SLC25A13: variants seen among roughly 807,000 people sequenced by gnomAD.
The protein encoded by SLC25A13 is electrogenic aspartate/glutamate antiporter SLC25A13, mitochondrial.
Under a neutral mutation model 85.5 loss-of-function variants are expected in SLC25A13, and 70 were observed. That is an observed-to-expected ratio of 0.82 (90% CI 0.68 to 1.00). The LOEUF (loss-of-function observed/expected upper bound fraction) is 1.00, where lower values mean the gene tolerates loss of function less well. Among genes scored for constraint, SLC25A13 ranks in the 50% least tolerant of loss-of-function variants. SLC25A13 has a pLI of 0.00. For synonymous variants in SLC25A13, 259 were observed against 288.7 expected, an observed-to-expected ratio of 0.90 and a Z score of 1.04; for missense variants, 765 against 819.8, an observed-to-expected ratio of 0.93 and a Z score of 0.82.
chr7:96,216,765 G>C (rs143063358), intron 4 of SLC25A13, among the ~76,000 whole-genome samples: 144 of 152,228 alleles, frequency 9.5e-4, no homozygotes, highest in African/African-American at 3.4e-3. Flanking sequence ...GGTGGGAGGA[G>C]GGAGAGGATC....
chr7:96,133,356 T>C (rs1329797354), intron 14 of SLC25A13, among the ~76,000 whole-genome samples: 2 of 152,224 alleles, frequency 1.3e-5, no homozygotes, highest in African/African-American at 4.8e-5. Context: ...CTAGTCATTT[T>C]AGGCACGTAC....
chr7:96,261,495 A>C (rs902848014), intron 3 of SLC25A13, among the ~76,000 whole-genome samples: 1 of 152,178 alleles, frequency 6.6e-6, no homozygotes, highest in Non-Finnish European at 1.5e-5. Context: ...AAGTTCTTTC[A>C]TCAGTTATCT....
At chr7:96,294,791 C>T (rs775678745) in intron 2 of SLC25A13, among the ~76,000 whole-genome samples, 4 of 152,108 alleles carry the variant, frequency 2.6e-5, no homozygotes, top group Non-Finnish European at 5.9e-5. Flanking sequence ...CATCCTCCTG[C>T]CTCAGCCTCT....
At chr7:96,232,665 A>C (rs796974524) in intron 4 of SLC25A13, among the ~76,000 whole-genome samples, 90 of 117,944 alleles carry the variant, frequency 7.6e-4, no homozygotes, top group East Asian at 4.6e-3. Flanking sequence ...AAAAAAAAAA[A>C]CAGAAAATCT....
In SLC25A13 at chr7:96,269,745, T is replaced by C. The variant is rs138365873; in HGVS notation, c.212+7451A>G. The stretch of plus-strand genomic sequence containing the variant: ...ATTACAGATGAACGGATGAAGAAAA[T>C]GTGATACATGCACACAATGGAATAC... On this transcript the variant is annotated intron_variant, in intron 3 of 17. Transcript: ENST00000265631. Among the ~76,000 whole-genome samples the C allele has an allele frequency of 3.5e-3, 526 of 152,242 alleles. 5 individuals are homozygous for C. Among genetic ancestry groups the C allele is most frequent in the African/African-American group, 0.012 (491 of 41,538 alleles).
chr7:96,151,665 G>A (rs545308717), intron 13 of SLC25A13, among the ~76,000 whole-genome samples: 6 of 148,922 alleles, frequency 4.0e-5, no homozygotes, highest in South Asian at 2.1e-4. Flanking sequence ...ATAATAGGTC[G>A]GGTGCAGTGA....
rs778267843 is a variant in SLC25A13 at position 96,193,078 on chromosome 7, G to T, written c.574C>A (p.Pro192Thr). ...TCTACAAAAGGAGTCAAGACATGGG[G>T]GCGGATGGTGACCATGATGTCTCGG... ...DFRDIMVTIR[P>T]HVLTPFVEEC... The change falls in exon 6 of 18, where the codon CCC (proline) becomes ACC (threonine). Residue 192 changes from proline to threonine, a missense_variant. Pro to Thr is a conservative substitution (Grantham distance 38). Transcript: ENST00000265631. 3.7e-6 allele frequency: 6 copies of T among 1,613,996 alleles called. No homozygotes were observed. Among genetic ancestry groups the T allele is most frequent in the South Asian group, 2.2e-5 (2 of 91,040 alleles).
In SLC25A13 at chr7:96,191,188, C is replaced by T. The variant is rs78247004; in HGVS notation, c.675G>A (p.Ser225=). ...TAATGAGTTCCATGTTGTTAAGGAG[C>T]GAATTAAATCCATTAAAATAGGAGA... is the stretch of plus-strand genomic sequence containing the variant. ...VSFSYFNGFN[S]LLNNMELIRK... is the part of the protein sequence containing the mutation. The change falls in exon 7 of 18, where the codon TCG becomes TCA. Residue 225 remains serine (S), a synonymous_variant. Transcript: ENST00000265631. 2,930 of 1,613,758 alleles carry T rather than the reference C, an allele frequency of 1.8e-3. 41 individuals carry two copies. In the African/African-American group the frequency reaches 0.034, roughly 19 times the overall value.
chr7:96,220,266 C>T (rs1221527498), intron 4 of SLC25A13, among the ~76,000 whole-genome samples: 1 of 152,248 alleles, frequency 6.6e-6, no homozygotes, highest in African/African-American at 2.4e-5. Context: ...CGGATATTAT[C>T]GAAAATTTTC....
chr7:96,216,022 G>A (rs1297149300), intron 4 of SLC25A13, among the ~76,000 whole-genome samples: 7 of 151,946 alleles, frequency 4.6e-5, no homozygotes, highest in Non-Finnish European at 8.8e-5. Context: ...AGGCATGGTG[G>A]CACGTGCCTG....
At chr7:96,285,273 TG>T (rs1798843475) in intron 2 of SLC25A13, among the ~76,000 whole-genome samples, 1 of 152,184 alleles carries the variant, frequency 6.6e-6, no homozygotes, top group South Asian at 2.1e-4. Context: ...GCCTAACTTG[TG>T]GCCTTGCTGC....
intron 11 of SLC25A13, among the ~76,000 whole-genome samples, chr7:96,176,340 G>A (rs1481775866): frequency 6.6e-6 from 1 of 152,226 alleles, no homozygotes. Flanking sequence ...ATGGATGTGT[G>A]TGTTGTTTCT....
chr7:96,227,297 T>C (rs1044148097), intron 4 of SLC25A13, among the ~76,000 whole-genome samples: 2 of 152,194 alleles, frequency 1.3e-5, no homozygotes, highest in Non-Finnish European at 1.5e-5. Context: ...GACTAACACT[T>C]GTTATTAAAT....
At chr7:96,243,295 A>G (rs563980201) in intron 3 of SLC25A13, among the ~76,000 whole-genome samples, 9 of 152,180 alleles carry the variant, frequency 5.9e-5, no homozygotes, top group Non-Finnish European at 1.3e-4. Context: ...ATAACAAAGC[A>G]AATGTGTACC....
At chr7:96,198,718 G>T (rs1795150576) in intron 5 of SLC25A13, among the ~76,000 whole-genome samples, 1 of 152,100 alleles carries the variant, frequency 6.6e-6, no homozygotes, top group South Asian at 2.1e-4. Context: ...AAATAAGGGG[G>T]TCATAACTAG....
chr7:96,146,209 T>C (rs115110185), intron 14 of SLC25A13, among the ~76,000 whole-genome samples: 129 of 152,090 alleles, frequency 8.5e-4, no homozygotes, highest in African/African-American at 3.0e-3. Flanking sequence ...GATCAGAAAA[T>C]AAATTATGAT....
At chr7:96,301,485 T>C (rs534955694) in intron 1 of SLC25A13, among the ~76,000 whole-genome samples, 1 of 152,264 alleles carries the variant, frequency 6.6e-6, no homozygotes, top group South Asian at 2.1e-4. Context: ...TTTTCAAACA[T>C]ACAGAGTAAT....
At chr7:96,191,384 T>C (rs1404171751) in intron 6 of SLC25A13, 137 bp from the exon 7 acceptor site, 2 of 967,054 alleles carry the variant, frequency 2.1e-6, no homozygotes, top group Non-Finnish European at 3.0e-6. Context: ...AGTATTTTTC[T>C]TTTGCATTAA....
At chr7:96,124,849 C>T (rs3757698) in intron 15 of SLC25A13, among the ~76,000 whole-genome samples, 14,254 of 152,186 alleles carry the variant, frequency 0.094, 825 homozygotes, top group East Asian at 0.29. Context: ...TATATTTAAA[C>T]GTTACATGCA....
Sources: gnomAD v4.1 joint callset for allele counts (sites outside exome capture counted in the v4.1 genomes callset) on GRCh38, gnomAD v4.1.1 for gene constraint, MANE v1.5 for transcripts, NCBI Gene and HGNC (gene_info 2026-07-23, HGNC 2026-07-21) for gene names.